The following ZC3H12B variants were observed in gnomAD, a reference collection of about 807,000 sequenced individuals.
ZC3H12B encodes the protein zinc finger CCCH-type containing 12B.
ZC3H12B carries 7 observed loss-of-function variants against 43.9 expected under a neutral mutation model. That is an observed-to-expected ratio of 0.16 (90% CI 0.09 to 0.30). The LOEUF (loss-of-function observed/expected upper bound fraction) is 0.30, where lower values mean the gene tolerates loss of function less well. Ranked by LOEUF, ZC3H12B falls within the 10% of genes least tolerant of loss-of-function variation. ZC3H12B has a pLI of 1.00. For missense variants in ZC3H12B, 475 were observed against 670.2 expected, an observed-to-expected ratio of 0.71 and a Z score of 3.22; for synonymous variants, 222 against 241.7, an observed-to-expected ratio of 0.92 and a Z score of 0.76.
the ZC3H12B span, among the ~76,000 whole-genome samples, chrX:65,206,997 CA>C: frequency 0.13 from 12,539 of 99,282 alleles, 1,950 homozygotes; most frequent in African/African-American, 0.42. Flanking sequence ...ATCAAAAAAT[CA>C]AAAAAAAAAA....
At chrX:65,179,489 G>A in the ZC3H12B span, among the ~76,000 whole-genome samples, 3 of 109,643 alleles carry the variant, frequency 2.7e-5, no homozygotes, top group Non-Finnish European at 5.7e-5. Context: ...AAATAACTAA[G>A]ATCAAAGCTG....
chrX:65,282,848 A>T, the ZC3H12B span, among the ~76,000 whole-genome samples: 4 of 111,755 alleles, frequency 3.6e-5, no homozygotes, highest in East Asian at 1.1e-3. Flanking sequence ...GCCAACAAAA[A>T]CAAGTCCAGG....
intron 2 of ZC3H12B, among the ~76,000 whole-genome samples, chrX:65,392,808 G>C (rs1253377070): frequency 2.7e-5 from 3 of 113,032 alleles, no homozygotes; most frequent in Non-Finnish European, 5.6e-5. Context: ...ATAGAAAAGG[G>C]GGAAATGTGG....
At chrX:65,199,760 C>T in the ZC3H12B span, among the ~76,000 whole-genome samples, 2 of 104,752 alleles carry the variant, frequency 1.9e-5, no homozygotes, top group Admixed American at 1.0e-4. Context: ...ACCATGTCTC[C>T]GCAAAAACAT....
chrX:65,392,019 A>T (rs914251658), intron 2 of ZC3H12B, among the ~76,000 whole-genome samples: 2 of 111,516 alleles, frequency 1.8e-5, no homozygotes, highest in African/African-American at 6.5e-5. Context: ...TGCCTGCCTC[A>T]GCCTCCCGAG....
the ZC3H12B span, among the ~76,000 whole-genome samples, chrX:65,096,508 T>C: frequency 8.9e-6 from 1 of 112,095 alleles, no homozygotes; most frequent in South Asian, 3.7e-4. Context: ...TGGATAGAAA[T>C]GAAGAATGCT....
intron 3 of ZC3H12B, among the ~76,000 whole-genome samples, chrX:65,423,117 G>C (rs750871675): frequency 9.2e-5 from 10 of 109,026 alleles, no homozygotes; most frequent in African/African-American, 3.3e-4. Flanking sequence ...ATTTTTAGTA[G>C]AGATGGGGTT....
the ZC3H12B span, among the ~76,000 whole-genome samples, chrX:65,215,549 CCTGTA>C: frequency 1.8e-5 from 2 of 110,678 alleles, no homozygotes; most frequent in Non-Finnish European, 3.8e-5. Flanking sequence ...GCAGCCTTGC[CCTGTA>C]TTGGGTTTTG....
chrX:65,169,388 G>C, the ZC3H12B span, among the ~76,000 whole-genome samples: 2 of 111,828 alleles, frequency 1.8e-5, no homozygotes, highest in African/African-American at 6.5e-5. Context: ...ATTGCACTGT[G>C]GTCTGAGAGA....
the ZC3H12B span, among the ~76,000 whole-genome samples, chrX:65,160,598 G>A: frequency 4.5e-5 from 5 of 111,390 alleles, no homozygotes; most frequent in Admixed American, 9.6e-5. Context: ...CTGTGGGATT[G>A]GTGGTGATAT....
At chrX:65,137,020 C>T in the ZC3H12B span, among the ~76,000 whole-genome samples, 2 of 111,672 alleles carry the variant, frequency 1.8e-5, no homozygotes, top group Non-Finnish European at 1.9e-5. Flanking sequence ...TACTTAAAAA[C>T]TCAGTTTAAG....
the ZC3H12B span, among the ~76,000 whole-genome samples, chrX:65,190,242 G>T: frequency 4.5e-5 from 5 of 110,454 alleles, no homozygotes; most frequent in East Asian, 8.6e-4. Flanking sequence ...GATGCCTCCA[G>T]CTTTGTTCTT....
the ZC3H12B span, among the ~76,000 whole-genome samples, chrX:65,144,329 C>T: frequency 0.14 from 16,044 of 111,391 alleles, 2,746 homozygotes; most frequent in African/African-American, 0.49. Flanking sequence ...TCTCCTGTTT[C>T]GTTGCTTATT....
At chrX:65,286,094 CA>C in the ZC3H12B span, among the ~76,000 whole-genome samples, 1 of 111,298 alleles carries the variant, frequency 9.0e-6, no homozygotes, top group African/African-American at 3.3e-5. Context: ...ATTATTCTAC[CA>C]AAAAGACACA....
chrX:65,309,011 C>T, the ZC3H12B span, among the ~76,000 whole-genome samples: 86 of 111,512 alleles, frequency 7.7e-4, no homozygotes, highest in Admixed American at 2.0e-3. Context: ...AAATTTATAG[C>T]ACTAAATGCC....
the ZC3H12B span, among the ~76,000 whole-genome samples, chrX:65,160,541 A>C: frequency 1.8e-5 from 2 of 111,192 alleles, no homozygotes; most frequent in Non-Finnish European, 3.8e-5. Context: ...TTTCTAGTTT[A>C]TTTGCGTAGA....
the ZC3H12B span, among the ~76,000 whole-genome samples, chrX:65,098,247 C>A: frequency 4.5e-5 from 5 of 110,440 alleles, no homozygotes; most frequent in South Asian, 1.9e-3. Flanking sequence ...CACACACACA[C>A]ACACACACAC....
the ZC3H12B span, among the ~76,000 whole-genome samples, chrX:65,200,293 A>G: frequency 2.7e-5 from 3 of 111,031 alleles, no homozygotes; most frequent in Admixed American, 9.6e-5. Flanking sequence ...CCACATCTCA[A>G]TGGGGTTTTT....
chrX:65,209,676 C>T, the ZC3H12B span, among the ~76,000 whole-genome samples: 1 of 110,059 alleles, frequency 9.1e-6, no homozygotes, highest in African/African-American at 3.3e-5. Context: ...GTGGAGAGTT[C>T]GCTACAGTAA....
Sources: gnomAD v4.1 joint callset for allele counts (sites outside exome capture counted in the v4.1 genomes callset) on GRCh38, gnomAD v4.1.1 for gene constraint, MANE v1.5 for transcripts, NCBI Gene and HGNC (gene_info 2026-07-23, HGNC 2026-07-21) for gene names.